PIP5K1B: variants seen among roughly 807,000 people sequenced by gnomAD.
PIP5K1B encodes phosphatidylinositol 4-phosphate 5-kinase type-1 beta.
Under a neutral mutation model 67.0 loss-of-function variants are expected in PIP5K1B, and 42 were observed. That is an observed-to-expected ratio of 0.63 (90% CI 0.49 to 0.81). PIP5K1B has a LOEUF of 0.81. Ranked by LOEUF, PIP5K1B falls within the 30% of genes least tolerant of loss-of-function variation. PIP5K1B has a pLI of 0.00. For missense variants in PIP5K1B, 459 were observed against 646.3 expected, an observed-to-expected ratio of 0.71 and a Z score of 3.14; for synonymous variants, 214 against 231.4, an observed-to-expected ratio of 0.92 and a Z score of 0.68.
chr9:68,734,364 T>C (rs961428695), intron 1 of PIP5K1B, among the ~76,000 whole-genome samples: 3 of 152,124 alleles, frequency 2.0e-5, no homozygotes, highest in African/African-American at 7.2e-5. Context: ...GAAAGATCAC[T>C]CCTATGTAGG....
chr9:68,986,094 T>C (rs2132921983), intron 14 of PIP5K1B, among the ~76,000 whole-genome samples: 1 of 152,396 alleles, frequency 6.6e-6, no homozygotes, highest in African/African-American at 2.4e-5. Flanking sequence ...GGACAAGTTT[T>C]CATTTTTCTT....
At chr9:68,956,970 C>CA (rs1386648507) in intron 14 of PIP5K1B, among the ~76,000 whole-genome samples, 1 of 151,926 alleles carries the variant, frequency 6.6e-6, no homozygotes, top group Non-Finnish European at 1.5e-5. Flanking sequence ...TGTCATGACA[C>CA]AAAAAAGATG....
At chr9:68,972,734 T>C (rs575966399) in intron 14 of PIP5K1B, among the ~76,000 whole-genome samples, 17 of 152,374 alleles carry the variant, frequency 1.1e-4, no homozygotes, top group Non-Finnish European at 2.5e-4. Flanking sequence ...AAGCCTTTAC[T>C]TGTACACAAC....
chr9:68,794,362 G>A (rs1832167787), intron 2 of PIP5K1B, among the ~76,000 whole-genome samples: 1 of 151,774 alleles, frequency 6.6e-6, no homozygotes, highest in Non-Finnish European at 1.5e-5. Flanking sequence ...ATAGCTTGGG[G>A]GAACAATCAA....
At chr9:68,747,246 G>A (rs539532366) in intron 2 of PIP5K1B, among the ~76,000 whole-genome samples, 123 of 147,846 alleles carry the variant, frequency 8.3e-4, no homozygotes, top group African/African-American at 2.9e-3. Context: ...GGCTTATCTC[G>A]TATGTGCACA....
At chr9:68,814,639 G>A (rs1833340820) in intron 2 of PIP5K1B, among the ~76,000 whole-genome samples, 1 of 152,020 alleles carries the variant, frequency 6.6e-6, no homozygotes, top group Non-Finnish European at 1.5e-5. Flanking sequence ...AACATAGTGT[G>A]AGACCCCATC....
intron 2 of PIP5K1B, among the ~76,000 whole-genome samples, chr9:68,793,455 C>T (rs1007662688): frequency 5.3e-5 from 8 of 151,854 alleles, no homozygotes; most frequent in African/African-American, 9.7e-5. Context: ...AGGGTGGTAG[C>T]GGTGGAGGTG....
intron 8 of PIP5K1B, among the ~76,000 whole-genome samples, chr9:68,895,156 A>G (rs1825014461): frequency 6.6e-6 from 1 of 151,998 alleles, no homozygotes; most frequent in Non-Finnish European, 1.5e-5. Flanking sequence ...GGTCTGAATA[A>G]GAGGTGAGCA....
Position 69,007,689 on chromosome 9 carries a change from C to G in PIP5K1B, c.1621-758C>G, listed in dbSNP as rs141177009. Among the ~76,000 whole-genome samples the G allele has an allele frequency of 2.9e-3, 437 of 151,902 alleles. 3 individuals carry two copies. The highest frequency in any genetic ancestry group is 2.9e-3 in the Non-Finnish European group (200 of 68,012). ...TGGCTAACACAGTGAAACCCCATCT[C>G]TACTAAAAATACAAAAAATTAGCCA... On this transcript the variant is annotated intron_variant, in intron 15 of 15. Transcript: ENST00000265382.
intron 12 of PIP5K1B, among the ~76,000 whole-genome samples, chr9:68,929,652 A>G (rs764305499): frequency 1.3e-5 from 2 of 151,632 alleles, no homozygotes; most frequent in African/African-American, 4.8e-5. Context: ...AACAACTTTC[A>G]GTTTTTTTTG....
intron 4 of PIP5K1B, among the ~76,000 whole-genome samples, chr9:68,861,902 GTT>G (rs78242259): frequency 6.9e-6 from 1 of 145,698 alleles, no homozygotes; most frequent in East Asian, 2.0e-4. Flanking sequence ...TTTGTTTTTT[GTT>G]TTTTTTTTTT....
chr9:68,927,312 G>A (rs1216914207), intron 12 of PIP5K1B, among the ~76,000 whole-genome samples: 6 of 152,244 alleles, frequency 3.9e-5, no homozygotes, highest in African/African-American at 1.4e-4. Flanking sequence ...TGGGTCAGAT[G>A]GTAACTCTCT....
chr9:68,906,972 A>T (rs1399026386), intron 8 of PIP5K1B, among the ~76,000 whole-genome samples: 1 of 152,190 alleles, frequency 6.6e-6, no homozygotes, highest in Non-Finnish European at 1.5e-5. Context: ...ATTTTCAAAG[A>T]CCAGAAAAAG....
intron 2 of PIP5K1B, chr9:68,789,183 C>T: frequency 1.8e-6 from 1 of 548,814 alleles, no homozygotes. Flanking sequence ...TGACAGTTAT[C>T]CAGTGGGAAG....
chr9:68,738,054 G>A (rs1410011313), intron 1 of PIP5K1B, among the ~76,000 whole-genome samples: 2 of 152,142 alleles, frequency 1.3e-5, no homozygotes, highest in African/African-American at 2.4e-5. Flanking sequence ...CTGAGTGTTC[G>A]TCAGCCTAGA....
intron 3 of PIP5K1B, among the ~76,000 whole-genome samples, chr9:68,819,867 A>G (rs948714026): frequency 9.2e-5 from 14 of 152,190 alleles, no homozygotes; most frequent in Non-Finnish European, 2.1e-4. Context: ...ATGATAGTTC[A>G]TGGCCTTCGT....
At chr9:68,750,923 T>C (rs1017735389) in intron 2 of PIP5K1B, among the ~76,000 whole-genome samples, 16 of 152,216 alleles carry the variant, frequency 1.1e-4, no homozygotes, top group African/African-American at 3.9e-4. Context: ...TGATGACTAA[T>C]GGTTGGAATT....
At chr9:68,743,831 T>G (rs1033998150) in intron 2 of PIP5K1B, among the ~76,000 whole-genome samples, 5 of 152,212 alleles carry the variant, frequency 3.3e-5, no homozygotes, top group Admixed American at 6.5e-5. Context: ...GTCCTTCTAT[T>G]GATTCTCCTT....
rs371833194 is a variant in PIP5K1B, at chr9:69,008,459, G to T, written c.*10G>T. 4.3e-6 allele frequency: 7 copies of T among 1,613,596 alleles called. No homozygotes were observed. In the African/African-American group the frequency reaches 9.3e-5, roughly 22 times the overall value. ...TTGCTCCCCCCAGTAAGTGAAAATG[G>T]TGATCACCTAAGCACATGGATGAGA... On this transcript the variant is annotated 3_prime_UTR_variant, in exon 16 of 16. Coordinates refer to ENST00000265382, the MANE Select transcript of PIP5K1B (RefSeq NM_003558.4).
Sources: allele counts gnomAD v4.1 joint callset (sites outside exome capture counted in the v4.1 genomes callset), GRCh38; gene constraint gnomAD v4.1.1; transcripts MANE v1.5; gene names NCBI Gene and HGNC (gene_info 2026-07-23, HGNC 2026-07-21).